Variants in ASAP2 observed in about 807,000 individuals in gnomAD.
ASAP2 encodes the protein ArfGAP with SH3 domain, ankyrin repeat and PH domain 2.
ASAP2 carries 45 observed loss-of-function variants against 131.4 expected under a neutral mutation model. That is an observed-to-expected ratio of 0.34 (90% CI 0.27 to 0.44). The LOEUF (loss-of-function observed/expected upper bound fraction) is 0.44. ASAP2 is among the 20% of genes least tolerant of loss of function. The pLI is 1.00. For missense variants in ASAP2, 1,011 were observed against 1,297.0 expected, an observed-to-expected ratio of 0.78 and a Z score of 3.39; for synonymous variants, 510 against 503.0, an observed-to-expected ratio of 1.01 and a Z score of -0.19.
intron 24 of ASAP2, among the ~76,000 whole-genome samples, chr2:9,394,846 G>A (rs1675991931): frequency 6.6e-6 from 1 of 152,200 alleles, no homozygotes; most frequent in African/African-American, 2.4e-5. Context: ...TTCGCTGAAA[G>A]GACTCGAAGC....
rs965651884 is a variant in ASAP2, at chr2:9,404,680, G to C, written c.*1353G>C. 1 of 152,004 alleles carries C rather than the reference G, an allele frequency of 6.6e-6. No individual in the cohort carries two copies. Among genetic ancestry groups the C allele is most frequent in the African/African-American group, 2.4e-5 (1 of 41,258 alleles). The allele number at this position is 152,004 out of a possible 1,614,324, so 9.4% of individuals were successfully genotyped here. On this transcript the variant is annotated 3_prime_UTR_variant, in exon 28 of 28. Transcript: ENST00000281419. ...GGCAGCAATGCTGTTAACTGCATTT[G>C]TTGTGATGGTGCATTTGATTGAAGC...
intron 1 of ASAP2, among the ~76,000 whole-genome samples, chr2:9,254,447 G>T (rs1387877180): frequency 1.9e-4 from 28 of 145,972 alleles, no homozygotes; most frequent in Non-Finnish European, 4.0e-4. Flanking sequence ...CTGTCTCCCG[G>T]GTTCAAGCAA....
chr2:9,268,421 C>T lies in ASAP2; in HGVS notation c.127-10896C>T, dbSNP rs1666088720. On this transcript the variant is annotated intron_variant, in intron 1 of 27. Transcript: ENST00000281419. This position sits in a 1 kb window ranked among gnomAD's most constrained non-coding sequence, Gnocchi z 4.1. ...TTCCTCAGCTGTGACTTAGCTCAGACGTCTATTTGATCTTAATTCTTAGCG... is the reference window on the plus strand; with the variant it reads ...TTCCTCAGCTGTGACTTAGCTCAGATGTCTATTTGATCTTAATTCTTAGCG... Among the ~76,000 whole-genome samples the T allele has an allele frequency of 1.3e-5, 2 of 152,166 alleles. No individual in the cohort carries two copies. Among genetic ancestry groups the T allele is most frequent in the South Asian group, 2.1e-4 (1 of 4,834 alleles).
chr2:9,229,045 A>C (rs1329861371), intron 1 of ASAP2, among the ~76,000 whole-genome samples: 2 of 152,112 alleles, frequency 1.3e-5, no homozygotes, highest in Non-Finnish European at 2.9e-5. Context: ...GGGATCTGGC[A>C]GTTGAAGGCT....
chr2:9,401,473 G>T (rs1311383599), intron 27 of ASAP2, 77 bp downstream of exon 27: 2 of 1,547,058 alleles, frequency 1.3e-6, no homozygotes, highest in Non-Finnish European at 1.7e-6. Flanking sequence ...AGACGGGCTT[G>T]CAGGTGAGGT....
At chr2:9,330,057 AT>A (rs1670729973) in intron 7 of ASAP2, among the ~76,000 whole-genome samples, 1 of 152,202 alleles carries the variant, frequency 6.6e-6, no homozygotes, top group Non-Finnish European at 1.5e-5. Flanking sequence ...TGTGTGGCAC[AT>A]TTACCTGGCA....
chr2:9,362,391 GGAT>G (rs1673162114), intron 15 of ASAP2, among the ~76,000 whole-genome samples: 1 of 152,066 alleles, frequency 6.6e-6, no homozygotes, highest in African/African-American at 2.4e-5. Context: ...TGACAGCAAA[GGAT>G]TTTATTTTTT....
rs76209774 is a variant in ASAP2, at chr2:9,212,366, G to A, written c.126+5136G>A. ...CAGGGCGTGGGGCTGTGGTGAGGGAGGGCCTTATATGATGTCGTACCGTTG... is the reference window on the plus strand; with the variant it reads ...CAGGGCGTGGGGCTGTGGTGAGGGAAGGCCTTATATGATGTCGTACCGTTG... On this transcript the variant is annotated intron_variant, in intron 1 of 27. Coordinates refer to ENST00000281419, the MANE Select transcript of ASAP2 (RefSeq NM_003887.3). Among the ~76,000 whole-genome samples the A allele has an allele frequency of 2.2e-3, 332 of 152,240 alleles. 1 individual carries two copies. The highest frequency in any genetic ancestry group is 7.5e-3 in the African/African-American group (310 of 41,538).
intron 1 of ASAP2, among the ~76,000 whole-genome samples, chr2:9,267,847 G>A (rs1446687053): frequency 7.4e-6 from 1 of 135,760 alleles, no homozygotes; most frequent in East Asian, 2.2e-4. Context: ...GTAGTGAGTC[G>A]AGAATGCACC....
chr2:9,403,007 C>A (rs1168154192), intron 27 of ASAP2, among the ~76,000 whole-genome samples: 1 of 152,112 alleles, frequency 6.6e-6, no homozygotes, highest in Non-Finnish European at 1.5e-5. Context: ...GGTGGCCATC[C>A]CCACGAGCGA....
At chr2:9,353,007 T>C (rs554350749) in intron 12 of ASAP2, among the ~76,000 whole-genome samples, 132 of 152,158 alleles carry the variant, frequency 8.7e-4, no homozygotes, top group Non-Finnish European at 1.6e-3. Flanking sequence ...TGAGTATCTG[T>C]AGTGAAAATG....
chr2:9,334,068 G>A (rs1301893575), intron 7 of ASAP2, among the ~76,000 whole-genome samples: 3 of 105,038 alleles, frequency 2.9e-5, no homozygotes, highest in African/African-American at 1.3e-4. Flanking sequence ...TTTTTTTTGG[G>A]AGACAGTCTC....
At chr2:9,347,671 T>C (rs1672057379) in intron 11 of ASAP2, among the ~76,000 whole-genome samples, 1 of 152,202 alleles carries the variant, frequency 6.6e-6, no homozygotes. Flanking sequence ...TTGAATTTCC[T>C]TCTTAGCCAA....
At chr2:9,323,930 G>T (rs1269400703) in intron 6 of ASAP2, among the ~76,000 whole-genome samples, 1 of 152,180 alleles carries the variant, frequency 6.6e-6, no homozygotes, top group Non-Finnish European at 1.5e-5. Flanking sequence ...TGCCTTGCTT[G>T]CCAGGTACGT....
At chr2:9,214,119 A>G (rs1195491144) in intron 1 of ASAP2, among the ~76,000 whole-genome samples, 1 of 152,228 alleles carries the variant, frequency 6.6e-6, no homozygotes, top group East Asian at 1.9e-4. Flanking sequence ...TTCTTTCCCT[A>G]CTAAAGAGAG....
At chr2:9,391,566 T>C (rs1360423486) in intron 23 of ASAP2, among the ~76,000 whole-genome samples, 1 of 150,524 alleles carries the variant, frequency 6.6e-6, no homozygotes, top group Middle Eastern at 3.2e-3. Flanking sequence ...TTTGTTTTTC[T>C]TTTCTTTTTC....
chr2:9,221,989 A>G (rs1662453827), intron 1 of ASAP2, among the ~76,000 whole-genome samples: 1 of 151,064 alleles, frequency 6.6e-6, no homozygotes, highest in Non-Finnish European at 1.5e-5. Flanking sequence ...TTTAGCAGAG[A>G]TGGGGTTTCA....
At chr2:9,242,684 GAA>G (rs1664059921) in intron 1 of ASAP2, among the ~76,000 whole-genome samples, 1 of 152,220 alleles carries the variant, frequency 6.6e-6, no homozygotes, top group Admixed American at 6.5e-5. Flanking sequence ...TTCAAGGAGA[GAA>G]TCCTCAGCTG....
intron 2 of ASAP2, among the ~76,000 whole-genome samples, chr2:9,293,713 A>G (rs1012011391): frequency 1.3e-5 from 2 of 152,176 alleles, no homozygotes; most frequent in African/African-American, 4.8e-5. Flanking sequence ...GCTAGGTGTT[A>G]GAGGAAGACA....
Sources: gnomAD v4.1 joint callset for allele counts (sites outside exome capture counted in the v4.1 genomes callset) on GRCh38, gnomAD v4.1.1 for gene constraint, Gnocchi (gnomAD v3.1) non-coding constraint, MANE v1.5 for transcripts, NCBI Gene and HGNC (gene_info 2026-07-23, HGNC 2026-07-21) for gene names.